HHLA1: variants seen among roughly 807,000 people sequenced by gnomAD.
HHLA1 encodes HHLA1 neighbor of OC90.
HHLA1 carries 72 observed loss-of-function variants against 69.9 expected under a neutral mutation model. The ratio of observed to expected loss-of-function variants is 1.03; its 90% CI spans 0.85 to 1.25. HHLA1 has a LOEUF of 1.25. Ranked by LOEUF, HHLA1 falls within the 50% of genes most tolerant of loss-of-function variation. The probability of loss-of-function intolerance (pLI) is 0.00; values close to 1 mark genes in which losing one functional copy is unlikely to be tolerated. For missense variants in HHLA1, 685 were observed against 642.2 expected, an observed-to-expected ratio of 1.07 and a Z score of -0.72; for synonymous variants, 252 against 233.2, an observed-to-expected ratio of 1.08 and a Z score of -0.73.
chr8:132,101,399 G>A (rs1824108037), intron 3 of HHLA1: 3 of 1,284,472 alleles, frequency 2.3e-6, no homozygotes, highest in Non-Finnish European at 3.1e-6. Context: ...CCCCAAACTT[G>A]ATTTGATGTA....
intron 15 of HHLA1, among the ~76,000 whole-genome samples, chr8:132,067,590 A>G (rs1294358177): frequency 2.0e-5 from 3 of 152,154 alleles, no homozygotes; most frequent in Non-Finnish European, 2.9e-5. Flanking sequence ...GGTGCTAGCA[A>G]TGGGATTCCC....
chr8:132,069,958 G>A (rs1310286703), intron 15 of HHLA1: 3 of 147,572 alleles, frequency 2.0e-5, no homozygotes, highest in Non-Finnish European at 2.8e-5. Flanking sequence ...TGTGCTTTGG[G>A]TCTACAGGTC....
chr8:132,088,352 C>T (rs1823895220), intron 8 of HHLA1, among the ~76,000 whole-genome samples: 1 of 152,198 alleles, frequency 6.6e-6, no homozygotes. Flanking sequence ...ATCTATCCTA[C>T]TTAGTGTAAA....
chr8:132,080,126 C>T (rs1055792403), intron 10 of HHLA1, 160 bp from the exon 11 acceptor site: 14 of 1,000,142 alleles, frequency 1.4e-5, no homozygotes, highest in Non-Finnish European at 2.1e-5. Flanking sequence ...AGATTCTGAC[C>T]CCTGTCAGAG....
intron 1 of HHLA1, among the ~76,000 whole-genome samples, chr8:132,107,789 G>A (rs947411871): frequency 2.0e-5 from 3 of 152,012 alleles, no homozygotes; most frequent in Non-Finnish European, 2.9e-5. Flanking sequence ...AGATAACAGT[G>A]AATAATATCT....
chr8:132,076,485 A>C lies in HHLA1; in HGVS notation c.1230T>G (p.Tyr410Ter). 1 of 1,274,440 alleles carries C rather than the reference A, an allele frequency of 7.8e-7. No homozygotes were observed. Among genetic ancestry groups the C allele is most frequent in the Non-Finnish European group, 1.0e-6 (1 of 985,396 alleles). 78.9% of individuals were successfully genotyped at this position (1,274,440 alleles called of 1,614,324 possible). The change falls in exon 13 of 17, where the codon TAT becomes TAG. Residue 410 changes from tyrosine to a stop codon, truncating the protein, a stop_gained. Transcript: ENST00000414222. LOFTEE classifies it high-confidence loss of function. The part of the protein sequence containing the change: ...PSPTKATAPR[Y>*]PQTGDLSAEW... Reference sequence around the variant, plus strand: ...TACTGAGTTTCTCACCTGTTTGTGGATATCTGGGGGCTGTTGCCTTGGTTG... The same window carrying C: ...TACTGAGTTTCTCACCTGTTTGTGGCTATCTGGGGGCTGTTGCCTTGGTTG...
intron 14 of HHLA1, among the ~76,000 whole-genome samples, chr8:132,073,766 G>T (rs1056669674): frequency 2.6e-5 from 4 of 152,088 alleles, no homozygotes; most frequent in African/African-American, 9.7e-5. Flanking sequence ...TCACTTAGTT[G>T]CTCAAACTTG....
At chr8:132,088,046 C>T in intron 8 of HHLA1, 145 bp from the exon 9 acceptor site, 1 of 666,756 alleles carries the variant, frequency 1.5e-6, no homozygotes, top group Non-Finnish European at 2.6e-6. Context: ...AGGCAGTCCT[C>T]ATTTTCCAAT....
At position 132,098,262 on chromosome 8, in the gene HHLA1, G is replaced by C. The variant is rs751970092; in HGVS notation, c.280+620C>G. ...ATTTTGCTAGACGCTAAAGAACACA[G>C]AAAGAAGATTACAATAATATTGTCT... On this transcript the variant is annotated intron_variant, in intron 5 of 16. Transcript: ENST00000414222. 1.3e-5 allele frequency among the ~76,000 whole-genome samples: 2 copies of C among 152,100 alleles called. 1 individual carries two copies. Among genetic ancestry groups the C allele is most frequent in the Non-Finnish European group, 2.9e-5 (2 of 68,010 alleles).
At chr8:132,099,041 C>A in intron 4 of HHLA1, 79 bp from the exon 5 acceptor site, 1 of 1,099,386 alleles carries the variant, frequency 9.1e-7, no homozygotes, top group Non-Finnish European at 1.3e-6. Context: ...AAACTTCAGG[C>A]AGATATTCAA....
intron 8 of HHLA1, among the ~76,000 whole-genome samples, chr8:132,089,253 G>A (rs76981386): frequency 6.6e-6 from 1 of 152,138 alleles, no homozygotes; most frequent in South Asian, 2.1e-4. Context: ...ATGTTTTCTT[G>A]AGTCTGCCTA....
At chr8:132,096,700 C>A (rs76683766) in intron 5 of HHLA1, among the ~76,000 whole-genome samples, 1,591 of 152,228 alleles carry the variant, frequency 0.01, 34 homozygotes, top group African/African-American at 0.037. Context: ...ATAGGTGCAC[C>A]TATTAAAAGG....
intron 15 of HHLA1, among the ~76,000 whole-genome samples, chr8:132,069,515 G>A (rs1484241068): frequency 6.6e-6 from 1 of 152,116 alleles, no homozygotes; most frequent in Non-Finnish European, 1.5e-5. Flanking sequence ...CAGAAAAGAA[G>A]GAACAAGCCC....
At chr8:132,095,814 A>G in intron 5 of HHLA1, 28 bp from the exon 6 acceptor site, 1 of 1,412,680 alleles carries the variant, frequency 7.1e-7, no homozygotes. Flanking sequence ...ATAAAGAGAC[A>G]GACAGATGCC....
intron 15 of HHLA1, among the ~76,000 whole-genome samples, chr8:132,067,084 CAGAG>C (rs1037808883): frequency 9.2e-5 from 14 of 152,278 alleles, no homozygotes; most frequent in African/African-American, 3.1e-4. Flanking sequence ...GAGGGACAGA[CAGAG>C]AAAGTACTGT....
chr8:132,090,491 G>A (rs1299108978), intron 7 of HHLA1, among the ~76,000 whole-genome samples: 1 of 152,196 alleles, frequency 6.6e-6, no homozygotes. Flanking sequence ...AGGAGTTTGT[G>A]CAGGAGCAAG....
chr8:132,105,240 G>A lies in HHLA1; in HGVS notation c.26C>T (p.Pro9Leu), dbSNP rs1418902669. The change falls in exon 2 of 17, where the codon CCT becomes CTT. Residue 9 changes from proline to leucine, a missense_variant. Transcript: ENST00000414222. ...CAGGCCCATGCACAGCTTCATTGAA[G>A]GACCACGTGACAGGAAGCCCAGCAT... is the stretch of plus-strand genomic sequence containing the variant. MLGFLSRGPSMKLCMGLAC... is the reference protein window; with the variant it reads MLGFLSRGLSMKLCMGLAC... The A allele has an allele frequency of 1.9e-6, 3 of 1,552,082 alleles. No homozygotes were observed. The highest frequency in any genetic ancestry group is 2.7e-5 in the African/African-American group (2 of 73,034).
At chr8:132,067,170 T>C (rs1239208312) in intron 15 of HHLA1, among the ~76,000 whole-genome samples, 3 of 152,114 alleles carry the variant, frequency 2.0e-5, no homozygotes, top group Non-Finnish European at 4.4e-5. Context: ...TGAGGATTCC[T>C]TGTGGAAACT....
intron 7 of HHLA1, among the ~76,000 whole-genome samples, chr8:132,091,094 A>G (rs1489351685): frequency 2.0e-5 from 3 of 152,128 alleles, no homozygotes; most frequent in Non-Finnish European, 4.4e-5. Flanking sequence ...TAGTTATTCC[A>G]TATATTTTCT....
Sources: allele counts gnomAD v4.1 joint callset (sites outside exome capture counted in the v4.1 genomes callset), GRCh38; gene constraint gnomAD v4.1.1; transcripts MANE v1.5; gene names NCBI Gene and HGNC (gene_info 2026-07-23, HGNC 2026-07-21).